Variants in CEP85 observed in about 807,000 individuals in gnomAD.
The protein encoded by CEP85 is centrosomal protein of 85 kDa.
Under a neutral mutation model 93.7 loss-of-function variants are expected in CEP85, and 58 were observed. The ratio of observed to expected loss-of-function variants is 0.62; its 90% CI spans 0.50 to 0.77. The LOEUF (loss-of-function observed/expected upper bound fraction) is 0.77. Ranked by LOEUF, CEP85 falls within the 30% of genes least tolerant of loss-of-function variation. The probability of loss-of-function intolerance (pLI) is 0.00; values close to 1 mark genes in which losing one functional copy is unlikely to be tolerated. For missense variants in CEP85, 868 were observed against 922.0 expected (o/e 0.94, Z 0.76); for synonymous variants, 314 against 338.6 (o/e 0.93, Z 0.80).
chr1:26,247,451 A>G (rs78724881), intron 3 of CEP85, among the ~76,000 whole-genome samples: 1 of 151,816 alleles, frequency 6.6e-6, no homozygotes, highest in Non-Finnish European at 1.5e-5. Flanking sequence ...AAAAAAAAAA[A>G]GCCAGGGACA....
At chr1:26,262,518 G>A (rs909724822) in intron 7 of CEP85, among the ~76,000 whole-genome samples, 12 of 151,858 alleles carry the variant, frequency 7.9e-5, no homozygotes, top group African/African-American at 2.2e-4. Context: ...GGCGGGGGGC[G>A]GGGGATGTGA....
chr1:26,276,772 G>C lies in CEP85; in HGVS notation c.2128+12G>C. 1 of 1,603,290 alleles carries C rather than the reference G, an allele frequency of 6.2e-7. No individual in the cohort carries two copies. Among genetic ancestry groups the C allele is most frequent in the Non-Finnish European group, 8.5e-7 (1 of 1,171,636 alleles). On this transcript the variant is annotated intron_variant, in intron 13 of 13. Transcript: ENST00000451429. ...CCTGGGCATTCACTGTGAGTCCTCA[G>C]ACCAGTCTGGGGCCCAGGAAGGAGG...
chr1:26,274,200 C>T (rs565639565), intron 11 of CEP85, among the ~76,000 whole-genome samples: 2 of 151,876 alleles, frequency 1.3e-5, no homozygotes, highest in East Asian at 3.9e-4. Flanking sequence ...CACACTTACA[C>T]ACAACTCACT....
chr1:26,259,606 CT>C lies in CEP85; in HGVS notation c.1156-8del. ...TAGAGAACAGTTACATATTGAGAAT[CT>C]TTCTGGCAGGAATTGCAGCGAGAAA... On this transcript the variant is annotated splice_polypyrimidine_tract_variant and intron_variant, in intron 6 of 13. Coordinates refer to ENST00000451429, the MANE Select transcript of CEP85 (RefSeq NM_001319944.2). 6.2e-7 allele frequency: 1 copy of C among 1,600,192 alleles called. No homozygotes were observed. The highest frequency in any genetic ancestry group is 1.1e-5 in the South Asian group (1 of 89,178).
Position 26,271,086 on chromosome 1 carries a change from G to A in CEP85, c.1722G>A (p.Lys574=), listed in dbSNP as rs2089967597. 1 of 1,611,928 alleles carries A rather than the reference G, an allele frequency of 6.2e-7. No individual in the cohort carries two copies. Among genetic ancestry groups the A allele is most frequent in the South Asian group, 1.1e-5 (1 of 91,056 alleles). Residue 574 remains lysine, a synonymous_variant, in exon 10 of 14, where the codon AAG becomes AAA. Transcript: ENST00000451429. ...GPEVEMESWQ[K]RYDSLQKIVE... is the part of the protein sequence containing the mutation. Reference sequence around the variant, plus strand: ...AAGTGGAAATGGAGTCCTGGCAGAAGCGATACGATTCGCTCCAAAAGGTGA... The same window carrying A: ...AAGTGGAAATGGAGTCCTGGCAGAAACGATACGATTCGCTCCAAAAGGTGA...
chr1:26,250,925 CTTTTTTCTTTT>C (rs1281721351), intron 3 of CEP85, among the ~76,000 whole-genome samples: 3,054 of 54,876 alleles, frequency 0.056, 237 homozygotes, highest in Middle Eastern at 0.12. Flanking sequence ...TTTTTTTTTT[CTTTTTTCTTTT>C]TTTTTTTTTT....
At chr1:26,271,177 G>A (rs1031395768) in intron 10 of CEP85, 70 bp downstream of exon 10, 2 of 979,848 alleles carry the variant, frequency 2.0e-6, no homozygotes, top group Non-Finnish European at 3.3e-6. Flanking sequence ...TATTAGGAGG[G>A]ATACGTGAAT....
chr1:26,235,567 C>CTTTTTTTTTTT (rs1192252673), intron 1 of CEP85, among the ~76,000 whole-genome samples: 2,859 of 95,440 alleles, frequency 0.03, 222 homozygotes, highest in Non-Finnish European at 0.041. Flanking sequence ...GATTGTAATT[C>CTTTTTTTTTTT]TTTTTTTTTT....
chr1:26,265,973 C>T (rs769751858), intron 7 of CEP85, among the ~76,000 whole-genome samples: 15 of 151,804 alleles, frequency 9.9e-5, no homozygotes, highest in African/African-American at 2.4e-4. Context: ...TTTGGGAGGC[C>T]GAGGTGGGTG....
chr1:26,264,448 G>T (rs1181394302), intron 7 of CEP85, among the ~76,000 whole-genome samples: 1 of 152,136 alleles, frequency 6.6e-6, no homozygotes, highest in African/African-American at 2.4e-5. Context: ...CAGGAGAATC[G>T]CTTGAACCTG....
intron 11 of CEP85, among the ~76,000 whole-genome samples, chr1:26,274,613 G>A (rs2090026539): frequency 1.3e-5 from 2 of 152,196 alleles, no homozygotes; most frequent in Non-Finnish European, 2.9e-5. Flanking sequence ...GAAAAGAGAA[G>A]TGAGCAGAAG....
chr1:26,275,248 C>G (rs1396697930), intron 12 of CEP85, among the ~76,000 whole-genome samples, 177 bp downstream of exon 12: 6 of 151,252 alleles, frequency 4.0e-5, no homozygotes, highest in African/African-American at 1.5e-4. Context: ...GACCCTAAGC[C>G]TGTTTTAGCA....
chr1:26,268,656 T>C, intron 8 of CEP85, 21 bp downstream of exon 8: 1 of 1,581,040 alleles, frequency 6.3e-7, no homozygotes, highest in Non-Finnish European at 8.6e-7. Context: ...TGTCTTGGCA[T>C]GCCTGGGGTG....
intron 3 of CEP85, among the ~76,000 whole-genome samples, chr1:26,252,456 C>G (rs2089633989): frequency 6.6e-6 from 1 of 152,098 alleles, no homozygotes; most frequent in South Asian, 2.1e-4. Context: ...CGCTTGAACC[C>G]AGGAGGAGGA....
chr1:26,258,129 AC>A lies in CEP85; in HGVS notation c.1038-12del. 1 of 1,598,768 alleles carries A rather than the reference AC, an allele frequency of 6.3e-7. No homozygotes were observed. Among genetic ancestry groups the A allele is most frequent in the Non-Finnish European group, 8.6e-7 (1 of 1,166,050 alleles). On this transcript the variant is annotated splice_polypyrimidine_tract_variant and intron_variant, in intron 5 of 13. Coordinates refer to ENST00000451429, the MANE Select transcript of CEP85 (RefSeq NM_001319944.2). ...AGCATCAGGACCCTGACCTGATTCTACCGGCTTGTGCAGGCAGAGGAAACAC... is the reference window on the plus strand; with the variant it reads ...AGCATCAGGACCCTGACCTGATTCTACGGCTTGTGCAGGCAGAGGAAACAC...
chr1:26,234,649 G>T (rs190706427), intron 1 of CEP85, among the ~76,000 whole-genome samples: 1 of 152,352 alleles, frequency 6.6e-6, no homozygotes, highest in East Asian at 1.9e-4. Context: ...GTTAAGCGGG[G>T]TAATCCCTCG....
intron 4 of CEP85, among the ~76,000 whole-genome samples, chr1:26,256,928 G>GGGGTGTGTGTGTGTGTGTGT (rs1553159974): frequency 6.1e-4 from 68 of 111,494 alleles, no homozygotes; most frequent in African/African-American, 2.1e-3. Context: ...GTTTTGTTTT[G>GGGGTGTGTGTGTGTGTGTGT]GTGTGTGTGT....
intron 3 of CEP85, among the ~76,000 whole-genome samples, chr1:26,251,425 A>G (rs908473284): frequency 6.6e-6 from 1 of 151,656 alleles, no homozygotes; most frequent in Non-Finnish European, 1.5e-5. Flanking sequence ...CTAATCTTGT[A>G]TTTTTAGTGG....
chr1:26,244,227 G>C lies in CEP85; in HGVS notation c.117G>C (p.Ser39=). The change falls in exon 3 of 14, where the codon TCG becomes TCC. Residue 39 remains serine, a synonymous_variant. Coordinates refer to ENST00000451429, the MANE Select transcript of CEP85 (RefSeq NM_001319944.2). ...LGTEWQTPVI[S]EPFRSRFSRC... is the part of the protein sequence containing the mutation. ...CTGAATGGCAGACCCCAGTTATCTC[G>C]GAGCCCTTTCGGAGCCGCTTCAGCC... 1 of 1,613,744 alleles carries C rather than the reference G, an allele frequency of 6.2e-7. No homozygotes were observed. Among genetic ancestry groups the C allele is most frequent in the Non-Finnish European group, 8.5e-7 (1 of 1,179,942 alleles).
Sources: gnomAD v4.1 joint callset for allele counts (sites outside exome capture counted in the v4.1 genomes callset) on GRCh38, gnomAD v4.1.1 for gene constraint, MANE v1.5 for transcripts, NCBI Gene and HGNC (gene_info 2026-07-23, HGNC 2026-07-21) for gene names.